Variants in TRAPPC8 observed in about 807,000 individuals in gnomAD.
TRAPPC8 encodes the protein general sporulation gene 1 homolog.
In TRAPPC8, 54 loss-of-function variants were observed where a neutral mutation model predicts 174.3. The ratio of observed to expected loss-of-function variants is 0.31; its 90% CI spans 0.25 to 0.39. The LOEUF (loss-of-function observed/expected upper bound fraction) is 0.39. Ranked by LOEUF, TRAPPC8 falls within the 10% of genes least tolerant of loss-of-function variation. TRAPPC8 has a pLI of 1.00. For synonymous variants in TRAPPC8, 630 were observed against 579.9 expected (o/e 1.09, Z -1.24); for missense variants, 1,531 against 1,699.1 (o/e 0.90, Z 1.74).
chr18:31,874,605 G>C lies in TRAPPC8; in HGVS notation c.1828C>G (p.Gln610Glu). Reference protein sequence around the residue: ...EDHINFTIGRQSYTLRQLDNA... With the variant: ...EDHINFTIGRESYTLRQLDNA... ...TCCAGCTGTCTAAGAGTATAGGACT[G>C]GCGCCCAATAGTGAAATTAATGTGA... is the stretch of plus-strand genomic sequence containing the variant. The change falls in exon 13 of 29, where the codon CAG becomes GAG. Residue 610 changes from glutamine (Q) to glutamate (E), a missense_variant. By Grantham distance (29) the Gln-to-Glu change is conservative (BLOSUM62 2). Coordinates refer to ENST00000283351, the MANE Select transcript of TRAPPC8 (RefSeq NM_014939.5). 6.2e-7 allele frequency: 1 copy of C among 1,614,088 alleles called. No individual in the cohort carries two copies. The highest frequency in any genetic ancestry group is 8.5e-7 in the Non-Finnish European group (1 of 1,179,982).
chr18:31,863,789 A>C (rs1049379468), intron 19 of TRAPPC8, among the ~76,000 whole-genome samples: 2 of 151,980 alleles, frequency 1.3e-5, no homozygotes, highest in Non-Finnish European at 2.9e-5. Flanking sequence ...CCTCAGGTAT[A>C]AGCCTGATCC....
At chr18:31,838,191 T>C (rs2032876739) in intron 27 of TRAPPC8, among the ~76,000 whole-genome samples, 1 of 152,222 alleles carries the variant, frequency 6.6e-6, no homozygotes, top group Non-Finnish European at 1.5e-5. Flanking sequence ...GTCTTAATTT[T>C]GCCCAGTACT....
chr18:31,906,778 T>A (rs980468467), intron 9 of TRAPPC8, among the ~76,000 whole-genome samples: 2 of 152,198 alleles, frequency 1.3e-5, no homozygotes, highest in Non-Finnish European at 2.9e-5. Context: ...TGACAGCTTA[T>A]TATATATAAG....
chr18:31,856,543 T>A (rs2034025435), intron 20 of TRAPPC8, among the ~76,000 whole-genome samples: 1 of 152,074 alleles, frequency 6.6e-6, no homozygotes, highest in South Asian at 2.1e-4. Context: ...TAATAGTGGT[T>A]CTGAAGCTAC....
intron 1 of TRAPPC8, among the ~76,000 whole-genome samples, chr18:31,940,337 C>A (rs1020523134): frequency 1.3e-5 from 2 of 151,352 alleles, no homozygotes; most frequent in African/African-American, 4.9e-5. Flanking sequence ...AAGCCGTGAG[C>A]GCCTGTAATC....
At chr18:31,867,594 T>A in intron 16 of TRAPPC8, 118 bp from the exon 17 acceptor site, 1 of 661,276 alleles carries the variant, frequency 1.5e-6, no homozygotes, top group Non-Finnish European at 2.5e-6. Flanking sequence ...TTTACTTGGT[T>A]TTTACCACAT....
chr18:31,848,443 G>A (rs187595188), intron 25 of TRAPPC8, among the ~76,000 whole-genome samples: 43 of 152,088 alleles, frequency 2.8e-4, no homozygotes, highest in African/African-American at 1.0e-3. Flanking sequence ...GCCAAAGATC[G>A]TTATACACTT....
intron 16 of TRAPPC8, among the ~76,000 whole-genome samples, chr18:31,869,846 C>G (rs770242661): frequency 3.2e-4 from 48 of 152,006 alleles, no homozygotes; most frequent in Admixed American, 1.9e-3. Context: ...CCCAGCACTT[C>G]GGGAGGCTGA....
chr18:31,837,398 A>C (rs2032812568), intron 27 of TRAPPC8, among the ~76,000 whole-genome samples: 1 of 152,188 alleles, frequency 6.6e-6, no homozygotes, highest in South Asian at 2.1e-4. Flanking sequence ...AATAGTTCAA[A>C]TCAGAAACTA....
chr18:31,928,342 C>T (rs112622982), intron 2 of TRAPPC8, among the ~76,000 whole-genome samples: 6 of 120,718 alleles, frequency 5.0e-5, no homozygotes, highest in African/African-American at 2.0e-4. Flanking sequence ...TCTCTACACA[C>T]ACACACACAC....
rs1401835520 is a variant in TRAPPC8, at chr18:31,852,331, T to C, written c.3561+115A>G. The C allele has an allele frequency of 2.6e-6, 3 of 1,149,550 alleles. No homozygotes were observed. The Admixed American group carries it at 6.5e-5, about 25-fold the overall frequency. The allele number at this position is 1,149,550 out of a possible 1,614,324, so 71.2% of individuals were successfully genotyped here. On this transcript the variant is annotated intron_variant, in intron 24 of 28. Transcript: ENST00000283351. The stretch of plus-strand genomic sequence containing the variant: ...ACTCCTGGGAGACAGAGCAAGACCT[T>C]GTCTCCCCCCCAAAAAAAAGCGTTT...
In TRAPPC8 at chr18:31,931,246, T is replaced by A. The variant is rs960356689; in HGVS notation, c.352+83A>T. ...ACTTAGTAAACTCTTAAATACATGT[T>A]GATCATCTCCCAAGTCATAGAATCG... On this transcript the variant is annotated intron_variant, in intron 2 of 28. Transcript: ENST00000283351. 5.4e-6 allele frequency: 7 copies of A among 1,295,962 alleles called. No homozygotes were observed. In the African/African-American group the frequency reaches 1.0e-4, roughly 19 times the overall value. 80.3% of individuals were successfully genotyped at this position (1,295,962 alleles called of 1,614,324 possible). A position where few individuals can be genotyped will look rare whatever the true frequency, so the allele number is the denominator to read the frequency against.
At chr18:31,910,035 A>G (rs1329945107) in intron 5 of TRAPPC8, among the ~76,000 whole-genome samples, 1 of 152,140 alleles carries the variant, frequency 6.6e-6, no homozygotes, top group Non-Finnish European at 1.5e-5. Context: ...ATCTACTTAT[A>G]TATGATATGT....
At chr18:31,874,735 T>C (rs374620555) in intron 12 of TRAPPC8, 31 bp from the exon 13 acceptor site, 2 of 1,574,006 alleles carry the variant, frequency 1.3e-6, no homozygotes, top group Non-Finnish European at 1.7e-6. Flanking sequence ...TAATGTATTA[T>C]ACTCCAAATT....
At chr18:31,838,552 T>G (rs2032907679) in intron 27 of TRAPPC8, among the ~76,000 whole-genome samples, 1 of 152,178 alleles carries the variant, frequency 6.6e-6, no homozygotes, top group African/African-American at 2.4e-5. Flanking sequence ...GAAAGGATGG[T>G]CAACGCGGTA....
intron 12 of TRAPPC8, among the ~76,000 whole-genome samples, chr18:31,887,864 A>G (rs1286331687): frequency 1.3e-5 from 2 of 152,104 alleles, no homozygotes; most frequent in Non-Finnish European, 2.9e-5. Context: ...ATCAAGCAAG[A>G]GAAAGAAATA....
At chr18:31,855,940 A>AT in intron 20 of TRAPPC8, 133 bp from the exon 21 acceptor site, 1 of 959,292 alleles carries the variant, frequency 1.0e-6, no homozygotes, top group Non-Finnish European at 1.5e-6. Flanking sequence ...CATAGAATAC[A>AT]TTAAGTAAAA....
chr18:31,912,513 G>T (rs964744522), intron 5 of TRAPPC8, among the ~76,000 whole-genome samples: 17 of 151,864 alleles, frequency 1.1e-4, no homozygotes, highest in African/African-American at 4.1e-4. Flanking sequence ...AATTAGCCGG[G>T]CATGGTGGTA....
chr18:31,895,644 A>G (rs1387958911), intron 11 of TRAPPC8: 1 of 152,248 alleles, frequency 6.6e-6, no homozygotes, highest in East Asian at 1.9e-4. Flanking sequence ...CATTTAAGCA[A>G]GGAAGAAAAA....
Sources: gnomAD v4.1 joint callset for allele counts (sites outside exome capture counted in the v4.1 genomes callset) on GRCh38, gnomAD v4.1.1 for gene constraint, MANE v1.5 for transcripts, NCBI Gene and HGNC (gene_info 2026-07-23, HGNC 2026-07-21) for gene names.